Variants in KANK4 observed in about 807,000 individuals in gnomAD.
KANK4 encodes KN motif and ankyrin repeat domains 4, also known as KN motif and ankyrin repeat domain-containing protein 4.
In KANK4, 50 loss-of-function variants were observed where a neutral mutation model predicts 80.8. The ratio of observed to expected loss-of-function variants is 0.62; its 90% CI spans 0.49 to 0.78. The LOEUF (loss-of-function observed/expected upper bound fraction) is 0.78. Ranked by LOEUF, KANK4 falls within the 30% of genes least tolerant of loss-of-function variation. The pLI is 0.00. For synonymous variants in KANK4, 465 were observed against 506.9 expected, an observed-to-expected ratio of 0.92 and a Z score of 1.11; for missense variants, 1,196 against 1,240.1, an observed-to-expected ratio of 0.96 and a Z score of 0.53.
intron 9 of KANK4, among the ~76,000 whole-genome samples, chr1:62,242,361 CAAAAAAAAAAAAAAAAA>C (rs57320794): frequency 4.5e-5 from 3 of 66,134 alleles, no homozygotes; most frequent in African/African-American, 7.3e-5. Context: ...GACCATACCT[CAAAAAAAAAAAAAAAAA>C]AAAAAAAAAA....
chr1:62,247,398 C>T, intron 9 of KANK4, 74 bp downstream of exon 9: 1 of 1,387,212 alleles, frequency 7.2e-7, no homozygotes. Context: ...CCTCAGCCTC[C>T]CAAAGTGCTG....
chr1:62,250,112 C>T (rs948221877), intron 8 of KANK4, among the ~76,000 whole-genome samples: 4 of 152,080 alleles, frequency 2.6e-5, no homozygotes, highest in African/African-American at 4.8e-5. Flanking sequence ...CTCAGCCTCC[C>T]AAGTAGCTGG....
rs371749858 is a variant in KANK4 at position 62,275,076 on chromosome 1, A to T, written c.28T>A (p.Ser10Thr). 4 of 1,603,272 alleles carry T rather than the reference A, an allele frequency of 2.5e-6. No homozygotes were observed. In the African/African-American group the frequency reaches 5.4e-5, roughly 22 times the overall value. Reference protein sequence around the residue: MEKTDAKDQSSQGDEEKDPP... With the variant: MEKTDAKDQTSQGDEEKDPP... ...TCTTTCTCTTCATCCCCCTGAGAGG[A>T]CTGGTCTTTGGCTGGGAGACATAAG... Residue 10 changes from serine (S) to threonine (T), a missense_variant, in exon 3 of 10, where the codon TCC becomes ACC. By Grantham distance (58) the Ser-to-Thr change is moderately conservative. This residue lies in a region of KANK4 where 36 missense variants were observed against 34.0 expected (regional missense o/e 1.06). Transcript: ENST00000371153.
At chr1:62,253,022 T>C in intron 8 of KANK4, 45 bp downstream of exon 8, 1 of 1,602,406 alleles carries the variant, frequency 6.2e-7, no homozygotes, top group Non-Finnish European at 8.5e-7. Flanking sequence ...AAGCGGGAGG[T>C]GCCCCTGCAT....
chr1:62,276,014 A>C (rs1672306112), intron 2 of KANK4, among the ~76,000 whole-genome samples: 1 of 151,920 alleles, frequency 6.6e-6, no homozygotes, highest in Admixed American at 6.6e-5. Context: ...AATTAATGTC[A>C]AAAGGGACAT....
intron 1 of KANK4, among the ~76,000 whole-genome samples, chr1:62,287,170 G>C (rs551743195): frequency 6.6e-6 from 1 of 152,214 alleles, no homozygotes; most frequent in Admixed American, 6.5e-5. Context: ...AGCAGAGACA[G>C]GTGTGAGGTG....
chr1:62,276,487 T>C (rs1672317426), intron 2 of KANK4, among the ~76,000 whole-genome samples: 1 of 152,104 alleles, frequency 6.6e-6, no homozygotes, highest in African/African-American at 2.4e-5. Context: ...AAGATTATTG[T>C]GAGGACGGTC....
intron 1 of KANK4, among the ~76,000 whole-genome samples, chr1:62,299,074 T>C (rs956537170): frequency 6.6e-6 from 1 of 151,366 alleles, no homozygotes; most frequent in Admixed American, 6.6e-5. Flanking sequence ...TTTAAGACAG[T>C]GTTTTGCTCT....
chr1:62,270,936 T>C (rs1672147705), intron 4 of KANK4, among the ~76,000 whole-genome samples: 1 of 152,198 alleles, frequency 6.6e-6, no homozygotes, highest in Non-Finnish European at 1.5e-5. Flanking sequence ...GAGCACACTG[T>C]TGGCATTTAA....
chr1:62,301,529 A>T (rs12089198), intron 1 of KANK4, among the ~76,000 whole-genome samples: 1 of 151,968 alleles, frequency 6.6e-6, no homozygotes, highest in South Asian at 2.1e-4. Flanking sequence ...GTAGCCTGGG[A>T]CTAGACCGGA....
intron 1 of KANK4, among the ~76,000 whole-genome samples, chr1:62,306,955 A>C (rs78203549): frequency 5.3e-4 from 81 of 152,360 alleles, no homozygotes; most frequent in African/African-American, 1.9e-3. Context: ...AAGGATAATA[A>C]AGTAAGATAG....
At chr1:62,276,903 T>C (rs1032279852) in intron 2 of KANK4, among the ~76,000 whole-genome samples, 2 of 152,208 alleles carry the variant, frequency 1.3e-5, no homozygotes, top group Non-Finnish European at 2.9e-5. Context: ...AGCCCCATAA[T>C]GGAAAGTGAC....
rs946691504 is a variant in KANK4, at chr1:62,236,296, C to A, written c.*1981G>T. On this transcript the variant is annotated 3_prime_UTR_variant, in exon 10 of 10. Transcript: ENST00000371153. ...GAAATGCAGAATCTCAGGCCCCACC[C>A]CAGACCTACTGCCTTCTAACAAGAT... Among the ~76,000 whole-genome samples the A allele has an allele frequency of 2.4e-4, 37 of 152,278 alleles. No homozygotes were observed. The highest frequency in any genetic ancestry group is 8.7e-4 in the African/African-American group (36 of 41,548).
At chr1:62,281,253 G>A (rs1242830434) in intron 2 of KANK4, among the ~76,000 whole-genome samples, 1 of 152,108 alleles carries the variant, frequency 6.6e-6, no homozygotes, top group Non-Finnish European at 1.5e-5. Flanking sequence ...TAAATTGTTG[G>A]GCTGTTTGTT....
intron 6 of KANK4, among the ~76,000 whole-genome samples, chr1:62,266,019 T>C (rs1028975068): frequency 1.3e-5 from 2 of 152,110 alleles, no homozygotes; most frequent in Non-Finnish European, 2.9e-5. Flanking sequence ...CAGATGAGGG[T>C]CCTGGGAATA....
chr1:62,297,676 A>C (rs1273065244), intron 1 of KANK4, among the ~76,000 whole-genome samples: 1 of 152,230 alleles, frequency 6.6e-6, no homozygotes, highest in Non-Finnish European at 1.5e-5. Context: ...ATGGTTGGGG[A>C]CACGCTGGGT....
intron 1 of KANK4, among the ~76,000 whole-genome samples, chr1:62,306,724 T>A (rs1046890800): frequency 6.6e-6 from 1 of 152,206 alleles, no homozygotes; most frequent in Admixed American, 6.5e-5. Flanking sequence ...AATAAAAAAA[T>A]TCCCAATAGT....
At chr1:62,303,049 T>C (rs17123415) in intron 1 of KANK4, among the ~76,000 whole-genome samples, 9,445 of 152,112 alleles carry the variant, frequency 0.062, 960 homozygotes, top group African/African-American at 0.21. Context: ...CCACATGATC[T>C]CCATCTTCTC....
chr1:62,281,705 C>T, intron 1 of KANK4, 71 bp from the exon 2 acceptor site: 2 of 960,270 alleles, frequency 2.1e-6, no homozygotes, highest in South Asian at 2.6e-5. Context: ...AAACACAGCA[C>T]TAAACAAAGT....
Sources: gnomAD v4.1 joint callset for allele counts (sites outside exome capture counted in the v4.1 genomes callset) on GRCh38, gnomAD v4.1.1 for gene constraint, gnomAD v4.1.1 regional missense constraint, MANE v1.5 for transcripts, NCBI Gene and HGNC (gene_info 2026-07-23, HGNC 2026-07-21) for gene names.